TRPC5: variants seen among roughly 807,000 people sequenced by gnomAD.
The protein encoded by TRPC5 is transient receptor potential cation channel subfamily C member 5, also known as short transient receptor potential channel 5.
TRPC5 carries 9 observed loss-of-function variants against 56.5 expected under a neutral mutation model. The observed-to-expected ratio is 0.16, with a 90% confidence interval of 0.10 to 0.28. TRPC5 has a LOEUF of 0.28. Ranked by LOEUF, TRPC5 falls within the 10% of genes least tolerant of loss-of-function variation. The pLI is 1.00. For missense variants in TRPC5, 469 were observed against 748.9 expected (o/e 0.63, Z 4.36); for synonymous variants, 282 against 278.5 (o/e 1.01, Z -0.13).
rs906849949 is a variant in TRPC5 at position 111,769,078 on chromosome X, A to C, written c.*7235T>G. On this transcript the variant is annotated 3_prime_UTR_variant, in exon 11 of 11. Coordinates refer to ENST00000262839, the MANE Select transcript of TRPC5 (RefSeq NM_012471.3). Reference sequence around the variant, plus strand: ...GAACACATTCAGCTAGCTAGCTGCCATCTTCCTATTAGAGTTTCTTTCCAT... The same window carrying C: ...GAACACATTCAGCTAGCTAGCTGCCCTCTTCCTATTAGAGTTTCTTTCCAT... Among the ~76,000 whole-genome samples the C allele has an allele frequency of 9.0e-6, 1 of 111,580 alleles. No individual in the cohort carries two copies. The highest frequency in any genetic ancestry group is 2.8e-4 in the East Asian group (1 of 3,552).
intron 1 of TRPC5, among the ~76,000 whole-genome samples, chrX:111,997,261 T>G (rs973978021): frequency 9.0e-6 from 1 of 111,665 alleles, no homozygotes; most frequent in African/African-American, 3.3e-5. Context: ...CTTATGAAGC[T>G]TAGTTTGGCT....
chrX:111,816,981 G>A (rs1335721794), intron 7 of TRPC5, among the ~76,000 whole-genome samples: 2 of 112,038 alleles, frequency 1.8e-5, no homozygotes, highest in African/African-American at 6.5e-5. Context: ...TATTACTGCA[G>A]AAACAATTCT....
intron 3 of TRPC5, among the ~76,000 whole-genome samples, chrX:111,864,029 C>G (rs1437100701): frequency 9.0e-6 from 1 of 111,195 alleles, no homozygotes; most frequent in African/African-American, 3.3e-5. Context: ...CTCTGTTGCC[C>G]AGGCTGGAGT....
At chrX:112,054,805 C>T (rs1170232496) in intron 1 of TRPC5, among the ~76,000 whole-genome samples, 1 of 111,561 alleles carries the variant, frequency 9.0e-6, no homozygotes, top group Non-Finnish European at 1.9e-5. Flanking sequence ...AAATCCTCCC[C>T]ATTATTCAGC....
At chrX:112,042,467 T>G (rs922997837) in intron 1 of TRPC5, among the ~76,000 whole-genome samples, 1 of 111,678 alleles carries the variant, frequency 9.0e-6, no homozygotes, top group African/African-American at 3.3e-5. Context: ...GTTTCTTTTG[T>G]AAAGGTACTA....
intron 6 of TRPC5, among the ~76,000 whole-genome samples, chrX:111,839,648 G>A (rs59798028): frequency 0.061 from 6,773 of 111,242 alleles, 449 homozygotes; most frequent in African/African-American, 0.2. Flanking sequence ...ATATAAAATG[G>A]CATAGTGTTT....
At chrX:111,860,474 C>T (rs768399579) in intron 3 of TRPC5, among the ~76,000 whole-genome samples, 1 of 111,764 alleles carries the variant, frequency 8.9e-6, no homozygotes, top group Admixed American at 9.4e-5. Context: ...GAGTTCTGTA[C>T]GTTTTGTTGT....
chrX:111,908,743 C>T (rs191364409), intron 3 of TRPC5, among the ~76,000 whole-genome samples: 2,973 of 112,177 alleles, frequency 0.027, 42 homozygotes, highest in Middle Eastern at 0.1. Context: ...AAGTGATTTA[C>T]TTTTGAAATT....
chrX:111,965,606 G>A (rs1313030273), intron 1 of TRPC5, among the ~76,000 whole-genome samples: 6 of 111,758 alleles, frequency 5.4e-5, no homozygotes, highest in Non-Finnish European at 9.4e-5. Context: ...TAAAAGAATA[G>A]AAATTATAAC....
At chrX:112,021,013 T>C (rs1449935825) in intron 1 of TRPC5, among the ~76,000 whole-genome samples, 1 of 108,424 alleles carries the variant, frequency 9.2e-6, no homozygotes, top group Non-Finnish European at 1.9e-5. Context: ...GGTCTTTATC[T>C]TCCTCGTTAC....
At chrX:111,915,151 A>G (rs1015741150) in intron 2 of TRPC5, among the ~76,000 whole-genome samples, 2 of 110,674 alleles carry the variant, frequency 1.8e-5, no homozygotes, top group Non-Finnish European at 3.8e-5. Context: ...CAGTGCTGCC[A>G]GTCCTGTCCA....
At chrX:111,995,074 C>A (rs1017132326) in intron 1 of TRPC5, among the ~76,000 whole-genome samples, 1 of 111,669 alleles carries the variant, frequency 9.0e-6, no homozygotes. Context: ...TAGTTTCTGC[C>A]CATTCTGTAT....
chrX:111,969,879 A>G (rs961790699), intron 1 of TRPC5, among the ~76,000 whole-genome samples: 1 of 111,088 alleles, frequency 9.0e-6, no homozygotes, highest in Non-Finnish European at 1.9e-5. Context: ...GTGATCAAGA[A>G]AGCTGTATGT....
chrX:111,933,372 A>G (rs961055263), intron 2 of TRPC5, among the ~76,000 whole-genome samples: 7 of 111,149 alleles, frequency 6.3e-5, no homozygotes, highest in Non-Finnish European at 1.3e-4. Context: ...CCACTAGACA[A>G]CTGTACAGGT....
chrX:111,773,192 T>C lies in TRPC5; in HGVS notation c.*3121A>G, dbSNP rs2148545241. On this transcript the variant is annotated 3_prime_UTR_variant, in exon 11 of 11. Transcript: ENST00000262839. ...AGAAGCGTAACTTGAAGCATTTATATCTCTGTAAAGTTTGGCATTTTCCGA... is the reference window on the plus strand; with the variant it reads ...AGAAGCGTAACTTGAAGCATTTATACCTCTGTAAAGTTTGGCATTTTCCGA... Among the ~76,000 whole-genome samples the C allele has an allele frequency of 8.9e-6, 1 of 112,111 alleles. No individual in the cohort carries two copies. Among genetic ancestry groups the C allele is most frequent in the South Asian group, 3.7e-4 (1 of 2,724 alleles).
chrX:111,916,193 A>G (rs764796836), intron 2 of TRPC5, among the ~76,000 whole-genome samples: 3 of 111,416 alleles, frequency 2.7e-5, no homozygotes, highest in Admixed American at 9.5e-5. Flanking sequence ...GACTCCCACA[A>G]TTTGGGTCAA....
Position 111,781,997 on chromosome X carries a change from T to G in TRPC5, c.2038A>C (p.Thr680Pro). The part of the protein sequence containing the change: ...FLYLGNWFNN[T>P]FCPKRDPDGR... ...TCAGGGTCTCTTTTGGGGCAGAAGG[T>G]GTTGTTGAACCAGTTACCAAGGTAT... The change falls in exon 8 of 11, where the codon ACC (threonine) becomes CCC (proline). Residue 680 changes from threonine to proline, a missense_variant. This residue lies in a region of TRPC5 where 194 missense variants were observed against 221.8 expected (regional missense o/e 0.87). Coordinates refer to ENST00000262839, the MANE Select transcript of TRPC5 (RefSeq NM_012471.3). The G allele has an allele frequency of 8.3e-7, 1 of 1,210,542 alleles. No homozygotes were observed. Among genetic ancestry groups the G allele is most frequent in the Non-Finnish European group, 1.1e-6 (1 of 894,806 alleles).
chrX:111,933,497 C>A (rs761868717), intron 2 of TRPC5, among the ~76,000 whole-genome samples: 175 of 110,371 alleles, frequency 1.6e-3, no homozygotes, highest in African/African-American at 5.7e-3. Context: ...TATATATAAC[C>A]CTGATGCATG....
intron 3 of TRPC5, among the ~76,000 whole-genome samples, chrX:111,877,875 T>G (rs373121297): frequency 9.0e-6 from 1 of 111,405 alleles, no homozygotes; most frequent in Admixed American, 9.6e-5. Flanking sequence ...ACAATGATGA[T>G]GTCATAGAAG....
Sources: allele counts gnomAD v4.1 joint callset (sites outside exome capture counted in the v4.1 genomes callset), GRCh38; gene constraint gnomAD v4.1.1; regional missense constraint gnomAD v4.1.1; transcripts MANE v1.5; gene names NCBI Gene and HGNC (gene_info 2026-07-23, HGNC 2026-07-21).